MTCL1: variants seen among roughly 807,000 people sequenced by gnomAD.
MTCL1 encodes the protein microtubule crosslinking factor 1, also known as microtubule cross-linking factor 1.
A neutral mutation model predicts 141.4 loss-of-function variants in MTCL1; 79 were observed. The ratio of observed to expected loss-of-function variants is 0.56; its 90% CI spans 0.47 to 0.67. MTCL1 has a LOEUF of 0.67. Among genes scored for constraint, MTCL1 ranks in the 30% least tolerant of loss-of-function variants. The pLI is 0.00. For synonymous variants in MTCL1, 914 were observed against 875.8 expected, an observed-to-expected ratio of 1.04 and a Z score of -0.77; for missense variants, 2,177 against 2,113.9, an observed-to-expected ratio of 1.03 and a Z score of -0.59.
In MTCL1 at chr18:8,751,493, T is replaced by A. The variant is rs1261471948; in HGVS notation, c.358-26340T>A. ...AGAATGGTATTGTTTTGGGACAAGA[T>A]AACTGACATTTTGTGCTATAGTTTC... is the stretch of plus-strand genomic sequence containing the variant. On this transcript the variant is annotated intron_variant, in intron 4 of 16. Coordinates refer to ENST00000359865, the Ensembl canonical transcript of MTCL1. Among the ~76,000 whole-genome samples, 4 of 152,354 alleles carry A rather than the reference T, an allele frequency of 2.6e-5. No individual in the cohort carries two copies. The East Asian group carries it at 7.7e-4, about 29-fold the overall frequency.
At chr18:8,776,528 A>G (rs577514733) in intron 4 of MTCL1, among the ~76,000 whole-genome samples, 14 of 152,290 alleles carry the variant, frequency 9.2e-5, no homozygotes, top group African/African-American at 3.1e-4. Context: ...CCAGGCACTG[A>G]AGGACACAGC....
At chr18:8,793,729 A>G (rs768051614) in intron 8 of MTCL1, among the ~76,000 whole-genome samples, 1 of 152,212 alleles carries the variant, frequency 6.6e-6, no homozygotes, top group Non-Finnish European at 1.5e-5. Context: ...ACAGATCTCT[A>G]GGTTCAGAAT....
chr18:8,819,985 G>GA (rs930801095), intron 13 of MTCL1, among the ~76,000 whole-genome samples: 3 of 152,054 alleles, frequency 2.0e-5, no homozygotes, highest in African/African-American at 7.2e-5. Flanking sequence ...TGGGCAAAGG[G>GA]AAAAAAATCC....
chr18:8,777,355 AAG>A (rs2096515258), intron 4 of MTCL1, among the ~76,000 whole-genome samples: 1 of 152,226 alleles, frequency 6.6e-6, no homozygotes, highest in Admixed American at 6.5e-5. Context: ...TGGTATCCCA[AAG>A]CATTGGGATT....
intron 9 of MTCL1, among the ~76,000 whole-genome samples, chr18:8,797,842 A>G (rs2075979591): frequency 6.6e-6 from 1 of 152,226 alleles, no homozygotes; most frequent in African/African-American, 2.4e-5. Flanking sequence ...GCTATTAGCA[A>G]TACTAATTTA....
chr18:8,823,612 A>C (rs541910193), intron 14 of MTCL1, among the ~76,000 whole-genome samples: 3 of 152,348 alleles, frequency 2.0e-5, no homozygotes, highest in African/African-American at 7.2e-5. Flanking sequence ...TGGTTATTCA[A>C]AGCACCACTG....
chr18:8,787,923 T>C (rs2075574655), intron 7 of MTCL1, among the ~76,000 whole-genome samples: 1 of 152,356 alleles, frequency 6.6e-6, no homozygotes, highest in South Asian at 2.1e-4. Context: ...GAGGCCGCCC[T>C]GTCCCTGGTG....
intron 4 of MTCL1, among the ~76,000 whole-genome samples, chr18:8,730,149 C>T (rs903371994): frequency 6.6e-6 from 1 of 152,048 alleles, no homozygotes; most frequent in Non-Finnish European, 1.5e-5. Context: ...TGCTCTGTTC[C>T]ATTGATCTCT....
At chr18:8,729,416 T>C (rs917499083) in intron 4 of MTCL1, among the ~76,000 whole-genome samples, 2 of 151,878 alleles carry the variant, frequency 1.3e-5, no homozygotes, top group African/African-American at 4.8e-5. Context: ...AATTAAAATT[T>C]TTTTAGAGAC....
At chr18:8,764,598 A>G (rs2096450459) in intron 4 of MTCL1, among the ~76,000 whole-genome samples, 1 of 152,190 alleles carries the variant, frequency 6.6e-6, no homozygotes, top group Non-Finnish European at 1.5e-5. Flanking sequence ...GATTACAGAC[A>G]TGAGCCACTG....
chr18:8,741,397 C>G (rs2096302521), intron 4 of MTCL1, among the ~76,000 whole-genome samples: 2 of 152,290 alleles, frequency 1.3e-5, no homozygotes, highest in African/African-American at 4.8e-5. Context: ...CTTATAATAG[C>G]AAGTACCTTT....
intron 4 of MTCL1, among the ~76,000 whole-genome samples, chr18:8,759,165 C>T (rs909265554): frequency 2.6e-5 from 4 of 152,220 alleles, no homozygotes; most frequent in Admixed American, 6.5e-5. Flanking sequence ...TGCACGATGA[C>T]GCTGAATGCT....
At chr18:8,792,969 T>C in intron 7 of MTCL1, 29 bp from the exon 7 acceptor site, 1 of 1,611,766 alleles carries the variant, frequency 6.2e-7, no homozygotes, top group East Asian at 2.2e-5. Flanking sequence ...TCATTTCCAC[T>C]AAACCCCTTC....
chr18:8,828,029 C>T lies in MTCL1; in HGVS notation c.4723-879C>T, dbSNP rs557367174. On this transcript the variant is annotated intron_variant, in intron 15 of 16. Coordinates refer to ENST00000359865, the Ensembl canonical transcript of MTCL1. This position sits in a 1 kb window ranked among gnomAD's most constrained non-coding sequence, Gnocchi z 5.2. ...ACTCATCGGCAGCATCTAAATGCCA[C>T]GGGCTCTTTTTTCCATTTCTGTTGG... is the stretch of plus-strand genomic sequence containing the variant. 1.3e-5 allele frequency among the ~76,000 whole-genome samples: 2 copies of T among 152,294 alleles called. No individual in the cohort carries two copies. Among genetic ancestry groups the T allele is most frequent in the South Asian group, 2.1e-4 (1 of 4,824 alleles).
exon 8 of MTCL1, chr18:8,793,003 G>A (rs754578539): frequency 1.2e-6 from 2 of 1,613,762 alleles, no homozygotes; most frequent in Non-Finnish European, 1.7e-6. Flanking sequence ...ATCAGCTCAG[G>A]GGCCCCCCCG....
chr18:8,816,904 G>A (rs994182041), intron 12 of MTCL1, among the ~76,000 whole-genome samples: 1 of 152,156 alleles, frequency 6.6e-6, no homozygotes, highest in African/African-American at 2.4e-5. Flanking sequence ...CCCTCTCTGA[G>A]GACTCGTTCT....
chr18:8,739,795 G>T (rs1331906944), intron 4 of MTCL1, among the ~76,000 whole-genome samples: 1 of 152,110 alleles, frequency 6.6e-6, no homozygotes, highest in Non-Finnish European at 1.5e-5. Context: ...GCAGTGGCCT[G>T]ATCTCGGCTC....
intron 4 of MTCL1, among the ~76,000 whole-genome samples, chr18:8,761,753 C>A (rs1318036652): frequency 6.6e-6 from 1 of 152,222 alleles, no homozygotes; most frequent in Non-Finnish European, 1.5e-5. Flanking sequence ...TGCAGGGAAA[C>A]TCCCCTTTAT....
rs572623836 is a variant in MTCL1, at chr18:8,751,640, A to G, written c.358-26193A>G. Among the ~76,000 whole-genome samples, 9 of 152,252 alleles carry G rather than the reference A, an allele frequency of 5.9e-5. No individual in the cohort carries two copies. In the Middle Eastern group the frequency reaches 0.01, roughly 173 times the overall value. On this transcript the variant is annotated intron_variant, in intron 4 of 16. Coordinates refer to ENST00000359865, the Ensembl canonical transcript of MTCL1. ...AAGGAAATCCGAGGTGAATTTTCTCATTGGTCTGAGTCACCTGGTCCAGTG... is the reference window on the plus strand; with the variant it reads ...AAGGAAATCCGAGGTGAATTTTCTCGTTGGTCTGAGTCACCTGGTCCAGTG...
Sources: allele counts gnomAD v4.1 joint callset (sites outside exome capture counted in the v4.1 genomes callset), GRCh38; gene constraint gnomAD v4.1.1; non-coding constraint Gnocchi (gnomAD v3.1); transcripts MANE v1.5; gene names NCBI Gene and HGNC (gene_info 2026-07-23, HGNC 2026-07-21).